The following RIN3 variants were observed in gnomAD, a reference collection of about 807,000 sequenced individuals.
The protein encoded by RIN3 is RAB5 interacting protein 3.
A neutral mutation model predicts 76.3 loss-of-function variants in RIN3; 54 were observed. That is an observed-to-expected ratio of 0.71 (90% CI 0.57 to 0.89). The LOEUF is 0.89. Ranked by LOEUF, RIN3 falls within the 40% of genes least tolerant of loss-of-function variation. The pLI is 0.00. For missense variants in RIN3, 1,256 were observed against 1,322.1 expected (o/e 0.95, Z 0.78); for synonymous variants, 576 against 564.0 (o/e 1.02, Z -0.30).
chr14:92,541,666 A>G (rs974977788), intron 1 of RIN3, among the ~76,000 whole-genome samples: 1 of 152,242 alleles, frequency 6.6e-6, no homozygotes, highest in Non-Finnish European at 1.5e-5. Flanking sequence ...TCAAAATAGG[A>G]CAAAGACCTA....
chr14:92,661,111 G>A (rs1023214014), intron 7 of RIN3, among the ~76,000 whole-genome samples: 2 of 152,200 alleles, frequency 1.3e-5, no homozygotes, highest in Non-Finnish European at 2.9e-5. Context: ...CCCTAAGACC[G>A]CTAATGGTTC....
At chr14:92,686,707 C>T (rs1888869686) in intron 9 of RIN3, 1 of 152,528 alleles carries the variant, frequency 6.6e-6, no homozygotes, top group East Asian at 1.9e-4. Context: ...CTCAGCACCA[C>T]ATCTGGGATC....
intron 3 of RIN3, among the ~76,000 whole-genome samples, chr14:92,580,801 GGTGT>G (rs1204548390): frequency 1.3e-5 from 2 of 152,186 alleles, no homozygotes. Context: ...CCTAGGAGTG[GGTGT>G]GTCACCTGTG....
At chr14:92,615,532 G>A in intron 4 of RIN3, 53 bp downstream of exon 4, 1 of 1,470,436 alleles carries the variant, frequency 6.8e-7, no homozygotes, top group Non-Finnish European at 9.5e-7. Context: ...AACATCACAT[G>A]CAACCCTGGG....
intron 3 of RIN3, among the ~76,000 whole-genome samples, chr14:92,580,153 G>A (rs982665809): frequency 6.6e-6 from 1 of 152,264 alleles, no homozygotes; most frequent in African/African-American, 2.4e-5. Context: ...GAGGCAGGCG[G>A]ATCACGAAGT....
intron 2 of RIN3, among the ~76,000 whole-genome samples, chr14:92,559,744 C>A (rs1253806204): frequency 6.6e-6 from 1 of 152,196 alleles, no homozygotes; most frequent in Non-Finnish European, 1.5e-5. Context: ...GGGGAGCTGA[C>A]AGAGTCTGCT....
intron 1 of RIN3, among the ~76,000 whole-genome samples, chr14:92,516,610 C>A (rs1896450227): frequency 1.3e-5 from 2 of 152,198 alleles, no homozygotes; most frequent in African/African-American, 2.4e-5. Context: ...CTCAAGTCTG[C>A]TCTCCTGCCC....
At position 92,652,840 on chromosome 14, in the gene RIN3, C is replaced by T. The variant is rs1296512900; in HGVS notation, c.1791C>T (p.Asn597=). 3 of 1,614,104 alleles carry T rather than the reference C, an allele frequency of 1.9e-6. No individual in the cohort carries two copies. Among genetic ancestry groups the T allele is most frequent in the African/African-American group, 1.3e-5 (1 of 75,068 alleles). ...GCATGTTCCACGCTTTCCTCTCCAA[C>T]AACCGCAAGCTGTACAAGAAGGTGG... The part of the protein sequence containing the change: ...FSSMFHAFLS[N]NRKLYKKVVE... Residue 597 remains asparagine, a synonymous_variant, in exon 6 of 10, where the codon AAC becomes AAT. Transcript: ENST00000216487. This position sits in a 1 kb window ranked among gnomAD's most constrained non-coding sequence, Gnocchi z 6.4.
At chr14:92,645,364 G>T (rs1235578775) in intron 5 of RIN3, among the ~76,000 whole-genome samples, 2 of 152,182 alleles carry the variant, frequency 1.3e-5, no homozygotes, top group Admixed American at 6.5e-5. Flanking sequence ...TTATGTAAAA[G>T]CCCGTTTTAC....
intron 3 of RIN3, among the ~76,000 whole-genome samples, chr14:92,584,223 A>G (rs1291321037): frequency 1.3e-5 from 2 of 152,210 alleles, no homozygotes; most frequent in South Asian, 2.1e-4. Flanking sequence ...CACTCAGGTG[A>G]CATGCCATCT....
intron 2 of RIN3, among the ~76,000 whole-genome samples, chr14:92,571,254 T>C (rs772217278): frequency 8.5e-5 from 13 of 152,222 alleles, no homozygotes; most frequent in Non-Finnish European, 1.9e-4. Flanking sequence ...GTTGCCCGAT[T>C]TGTGAATCAT....
intron 2 of RIN3, among the ~76,000 whole-genome samples, chr14:92,572,687 T>C (rs1032791020): frequency 2.0e-5 from 3 of 152,008 alleles, no homozygotes; most frequent in Non-Finnish European, 2.9e-5. Flanking sequence ...TTCCTGCAGT[T>C]ATAGAGAGGG....
chr14:92,635,795 G>A (rs932115520), intron 4 of RIN3, among the ~76,000 whole-genome samples: 1 of 152,198 alleles, frequency 6.6e-6, no homozygotes, highest in Non-Finnish European at 1.5e-5. Context: ...GGAGGTTGCA[G>A]TGAGCTGAGA....
chr14:92,577,768 G>A (rs1898300896), intron 3 of RIN3, among the ~76,000 whole-genome samples: 1 of 152,232 alleles, frequency 6.6e-6, no homozygotes. Flanking sequence ...GCTGGAGAAA[G>A]GGAAGAAAAG....
intron 4 of RIN3, among the ~76,000 whole-genome samples, chr14:92,635,609 C>T (rs890357399): frequency 3.9e-5 from 6 of 152,134 alleles, no homozygotes; most frequent in Middle Eastern, 3.4e-3. Flanking sequence ...CCCAGCACTT[C>T]GGGAGGCTGA....
intron 1 of RIN3, among the ~76,000 whole-genome samples, chr14:92,553,453 A>G (rs770113634): frequency 3.0e-4 from 45 of 152,216 alleles, no homozygotes; most frequent in Non-Finnish European, 5.1e-4. Flanking sequence ...TGGTTGCATC[A>G]GTATCAGCCA....
At chr14:92,544,767 C>T (rs925528854) in intron 1 of RIN3, among the ~76,000 whole-genome samples, 6 of 152,168 alleles carry the variant, frequency 3.9e-5, no homozygotes, top group African/African-American at 1.4e-4. Flanking sequence ...CATTGCAATG[C>T]CCTATGCACC....
chr14:92,581,666 C>CA (rs1884546952), intron 3 of RIN3, among the ~76,000 whole-genome samples: 1 of 152,184 alleles, frequency 6.6e-6, no homozygotes, highest in Non-Finnish European at 1.5e-5. Flanking sequence ...AGTGACACCC[C>CA]ACACCCCTGG....
chr14:92,624,769 A>G (rs1886293006), intron 4 of RIN3, among the ~76,000 whole-genome samples: 3 of 152,224 alleles, frequency 2.0e-5, no homozygotes, highest in South Asian at 4.1e-4. Flanking sequence ...AACAGAATAG[A>G]TGAAAGAGAA....
Sources: allele counts gnomAD v4.1 joint callset (sites outside exome capture counted in the v4.1 genomes callset), GRCh38; gene constraint gnomAD v4.1.1; non-coding constraint Gnocchi (gnomAD v3.1); transcripts MANE v1.5; gene names NCBI Gene and HGNC (gene_info 2026-07-23, HGNC 2026-07-21).